Variants in ASF1B observed in about 807,000 individuals in gnomAD.
ASF1B encodes the protein anti-silencing function 1B histone chaperone.
A neutral mutation model predicts 16.6 loss-of-function variants in ASF1B; 10 were observed. The ratio of observed to expected loss-of-function variants is 0.60; its 90% CI spans 0.37 to 1.02. The LOEUF is 1.02. Ranked by LOEUF, ASF1B falls within the 50% of genes least tolerant of loss-of-function variation. ASF1B has a pLI of 0.01. For missense variants in ASF1B, 240 were observed against 266.0 expected, an observed-to-expected ratio of 0.90 and a Z score of 0.68; for synonymous variants, 101 against 106.2, an observed-to-expected ratio of 0.95 and a Z score of 0.30.
intron 1 of ASF1B, among the ~76,000 whole-genome samples, chr19:14,134,915 A>C (rs1967462766): frequency 6.8e-6 from 1 of 147,368 alleles, no homozygotes; most frequent in African/African-American, 2.6e-5. Context: ...CTGATTATCC[A>C]GCTATATTAA....
intron 1 of ASF1B, among the ~76,000 whole-genome samples, chr19:14,126,766 C>A (rs1376488174): frequency 6.6e-6 from 1 of 152,124 alleles, no homozygotes; most frequent in Non-Finnish European, 1.5e-5. Context: ...GCCACTGTAC[C>A]TGGCCTGTTT....
intron 1 of ASF1B, among the ~76,000 whole-genome samples, chr19:14,133,644 G>A (rs1412311812): frequency 6.6e-6 from 1 of 151,568 alleles, no homozygotes; most frequent in African/African-American, 2.4e-5. Flanking sequence ...CTCCAGCCTG[G>A]GGGACAAGAG....
intron 2 of ASF1B, among the ~76,000 whole-genome samples, chr19:14,122,388 T>C (rs1160306875): frequency 6.8e-6 from 1 of 147,492 alleles, no homozygotes; most frequent in Non-Finnish European, 1.5e-5. Context: ...TTACACAGGG[T>C]CTGGCCTCCC....
At chr19:14,136,299 G>T in intron 1 of ASF1B, 49 bp downstream of exon 1, 1 of 1,549,066 alleles carries the variant, frequency 6.5e-7, no homozygotes, top group Non-Finnish European at 8.8e-7. Context: ...TCTGAGGGGA[G>T]GCCGGGGTCG....
At chr19:14,123,189 C>T (rs972635695) in intron 2 of ASF1B, among the ~76,000 whole-genome samples, 2 of 152,188 alleles carry the variant, frequency 1.3e-5, no homozygotes, top group South Asian at 2.1e-4. Flanking sequence ...CCCAGGAGGC[C>T]AGTCCTGACT....
At chr19:14,129,129 C>T (rs546552356) in intron 1 of ASF1B, among the ~76,000 whole-genome samples, 19 of 152,158 alleles carry the variant, frequency 1.2e-4, no homozygotes, top group South Asian at 2.1e-4. Context: ...TGGCGCGTGC[C>T]GGTGGTCCCA....
chr19:14,126,288 G>T, intron 1 of ASF1B, 51 bp from the exon 2 acceptor site: 2 of 1,316,808 alleles, frequency 1.5e-6, no homozygotes, highest in Non-Finnish European at 2.2e-6. Flanking sequence ...ACAGCAAGAA[G>T]GCAGGGATAG....
intron 1 of ASF1B, among the ~76,000 whole-genome samples, chr19:14,135,150 G>A (rs545527012): frequency 6.6e-6 from 1 of 151,316 alleles, no homozygotes; most frequent in Non-Finnish European, 1.5e-5. Flanking sequence ...CTTGAACTCG[G>A]GAGGTGGAGG....
intron 1 of ASF1B, among the ~76,000 whole-genome samples, chr19:14,134,826 C>G (rs1453449789): frequency 6.6e-6 from 1 of 152,046 alleles, no homozygotes; most frequent in Non-Finnish European, 1.5e-5. Flanking sequence ...CTGTTTGAAG[C>G]TGGAGCCCGT....
At chr19:14,121,476 C>A (rs771926750) in intron 3 of ASF1B, 56 bp downstream of exon 3, 1 of 1,557,894 alleles carries the variant, frequency 6.4e-7, no homozygotes, top group South Asian at 1.2e-5. Context: ...TGGCTGAACT[C>A]CCCCCAAGTA....
At chr19:14,132,430 G>T (rs773678649) in intron 1 of ASF1B, among the ~76,000 whole-genome samples, 1 of 152,112 alleles carries the variant, frequency 6.6e-6, no homozygotes, top group Non-Finnish European at 1.5e-5. Flanking sequence ...AAGCAAGCTG[G>T]CAGATCAGTC....
rs138345768 is a variant in ASF1B at position 14,136,389 on chromosome 19, C to A, written c.68G>T (p.Arg23Leu). 5.0e-6 allele frequency: 8 copies of A among 1,613,524 alleles called. No individual in the cohort carries two copies. In the East Asian group the frequency reaches 1.1e-4, roughly 22 times the overall value. Residue 23 changes from arginine to leucine, a missense_variant, in exon 1 of 4, where the codon CGG becomes CTG. Arg to Leu is a moderately radical substitution (Grantham distance 102). Transcript: ENST00000263382. ...ENPSPFHSPF[R>L]FEISFECSEA... ...ACTGCACTCGAAGCTGATCTCGAAC[C>A]GGAAGGGGCTGTGGAAAGGGCTCGG...
At chr19:14,128,690 T>C (rs1361584469) in intron 1 of ASF1B, among the ~76,000 whole-genome samples, 1 of 152,138 alleles carries the variant, frequency 6.6e-6, no homozygotes, top group Non-Finnish European at 1.5e-5. Context: ...CCCAGCCTGG[T>C]CTCAAGCAAT....
At position 14,136,433 on chromosome 19, in the gene ASF1B, G is replaced by A; in HGVS notation, c.24C>T (p.Asn8=). 6.2e-7 allele frequency: 1 copy of A among 1,613,526 alleles called. No homozygotes were observed. The highest frequency in any genetic ancestry group is 8.5e-7 in the Non-Finnish European group (1 of 1,179,576). Residue 8 remains asparagine, a synonymous_variant, in exon 1 of 4, where the codon AAC becomes AAT. Transcript: ENST00000263382. MAKVSVL[N]VAVLENPSPF... The stretch of plus-strand genomic sequence containing the variant: ...GGCTCGGGTTCTCCAGGACCGCCAC[G>A]TTCAGCACCGACACCTTGGCCATCG...
chr19:14,136,561 C>T lies in ASF1B; in HGVS notation c.-105G>A, dbSNP rs1967508073. 1 of 844,820 alleles carries T rather than the reference C, an allele frequency of 1.2e-6. No homozygotes were observed. Among genetic ancestry groups the T allele is most frequent in the South Asian group, 1.8e-5 (1 of 55,080 alleles). 52.3% of individuals were successfully genotyped at this position (844,820 alleles called of 1,614,324 possible). On this transcript the variant is annotated 5_prime_UTR_variant, in exon 1 of 4. Transcript: ENST00000263382. ...GGGGTAGGGCTGACCAGGTCCACTC[C>T]CGCCTCTTCTCTCCGAGAACTGAAG...
At position 14,126,189 on chromosome 19, in the gene ASF1B, A is replaced by G; in HGVS notation, c.158T>C (p.Phe53Ser). 1 of 1,613,692 alleles carries G rather than the reference A, an allele frequency of 6.2e-7. No homozygotes were observed. Among genetic ancestry groups the G allele is most frequent in the African/African-American group, 1.3e-5 (1 of 75,026 alleles). ...CAGCACCGAGTCTAGGATCTGATCAAATTCCTCACTCTCAGCCGAGCCAAC... is the reference window on the plus strand; with the variant it reads ...CAGCACCGAGTCTAGGATCTGATCAGATTCCTCACTCTCAGCCGAGCCAAC... ...IYVGSAESEE[F>S]DQILDSVLVG... Residue 53 changes from phenylalanine to serine, a missense_variant, in exon 2 of 4, where the codon TTT becomes TCT. By Grantham distance (155) the Phe-to-Ser change is radical. Transcript: ENST00000263382.
At chr19:14,128,697 C>T (rs1268755352) in intron 1 of ASF1B, among the ~76,000 whole-genome samples, 4 of 152,140 alleles carry the variant, frequency 2.6e-5, no homozygotes, top group African/African-American at 9.7e-5. Context: ...TGGTCTCAAG[C>T]AATCCTCCCG....
chr19:14,134,759 T>C (rs1353658009), intron 1 of ASF1B, among the ~76,000 whole-genome samples: 2 of 152,046 alleles, frequency 1.3e-5, no homozygotes, highest in South Asian at 2.1e-4. Flanking sequence ...TAAGTACATC[T>C]ACGGAAGCAC....
rs185840046 is a variant in ASF1B at position 14,130,193 on chromosome 19, G to C, written c.110-3956C>G. On this transcript the variant is annotated intron_variant, in intron 1 of 3. Coordinates refer to ENST00000263382, the MANE Select transcript of ASF1B (RefSeq NM_018154.3). ...TGTGCCTCAGCCTCCTAATCAGCTG[G>C]GACTACAGGCACCCCCCACCACGCC... Among the ~76,000 whole-genome samples, 778 of 151,720 alleles carry C rather than the reference G, an allele frequency of 5.1e-3. 4 individuals carry two copies. Among genetic ancestry groups the C allele is most frequent in the Non-Finnish European group, 9.2e-3 (626 of 67,890 alleles).
Sources: gnomAD v4.1 joint callset for allele counts (sites outside exome capture counted in the v4.1 genomes callset) on GRCh38, gnomAD v4.1.1 for gene constraint, MANE v1.5 for transcripts, NCBI Gene and HGNC (gene_info 2026-07-23, HGNC 2026-07-21) for gene names.